Variants in FHIT observed in about 807,000 individuals in gnomAD.
FHIT encodes the protein fragile histidine triad diadenosine triphosphatase, also known as bis(5'-adenosyl)-triphosphatase.
In FHIT, 19 loss-of-function variants were observed where a neutral mutation model predicts 17.9. That is an observed-to-expected ratio of 1.06 (90% CI 0.74 to 1.56). The LOEUF (loss-of-function observed/expected upper bound fraction) is 1.56. FHIT is among the 40% of genes most tolerant of loss of function. The pLI is 0.00. For synonymous variants in FHIT, 81 were observed against 69.7 expected (o/e 1.16, Z -0.81); for missense variants, 248 against 189.2 (o/e 1.31, Z -1.82).
chr3:59,748,223 T>C lies in FHIT; in HGVS notation c.*1362A>G, dbSNP rs1230946783. On this transcript the variant is annotated 3_prime_UTR_variant, in exon 10 of 10. Coordinates refer to ENST00000492590, the MANE Select transcript of FHIT (RefSeq NM_002012.4). ...AGGCTGAAATATAAAGTTTAAGATA[T>C]ATATACTAAAATTCAAAAAGTGAAT... Among the ~76,000 whole-genome samples the C allele has an allele frequency of 2.6e-5, 4 of 152,188 alleles. No individual in the cohort carries two copies. The highest frequency in any genetic ancestry group is 5.9e-5 in the Non-Finnish European group (4 of 68,020).
chr3:60,363,703 T>C (rs1005066660), intron 5 of FHIT, among the ~76,000 whole-genome samples: 9 of 152,174 alleles, frequency 5.9e-5, no homozygotes, highest in African/African-American at 2.2e-4. Flanking sequence ...TGCTCCACTG[T>C]GCTCTGTACC....
At chr3:60,475,596 G>A (rs2033305011) in intron 5 of FHIT, among the ~76,000 whole-genome samples, 1 of 152,182 alleles carries the variant, frequency 6.6e-6, no homozygotes, top group South Asian at 2.1e-4. Context: ...TTCACAAGGT[G>A]CAGGGTATCA....
At chr3:60,050,773 G>T (rs1056090465) in intron 5 of FHIT, among the ~76,000 whole-genome samples, 5 of 152,108 alleles carry the variant, frequency 3.3e-5, no homozygotes, top group Non-Finnish European at 7.4e-5. Flanking sequence ...CTAGATCCAG[G>T]CATCTCCAAG....
rs547662645 is a variant in FHIT, at chr3:60,981,700, C to A, written c.-111+60347G>T. 8.5e-5 allele frequency among the ~76,000 whole-genome samples: 13 copies of A among 152,148 alleles called. No homozygotes were observed. The East Asian group carries it at 2.5e-3, about 30-fold the overall frequency. ...CATAGCACACTGTAGCTTCAAACTC[C>A]TGGGCTCTGGTGAGCCTCCCTTCTC... On this transcript the variant is annotated intron_variant, in intron 3 of 9. Transcript: ENST00000492590.
intron 5 of FHIT, among the ~76,000 whole-genome samples, chr3:60,270,342 C>A (rs1706802216): frequency 6.6e-6 from 1 of 152,178 alleles, no homozygotes; most frequent in African/African-American, 2.4e-5. Flanking sequence ...CACATACAAT[C>A]CCTATTTTGG....
intron 3 of FHIT, among the ~76,000 whole-genome samples, chr3:60,835,457 A>G (rs570620391): frequency 1.3e-5 from 2 of 152,348 alleles, no homozygotes; most frequent in South Asian, 2.1e-4. Flanking sequence ...TTGGATTCAC[A>G]TAAGTATTTC....
intron 2 of FHIT, among the ~76,000 whole-genome samples, chr3:61,136,191 AG>A (rs1239311079): frequency 1.3e-5 from 2 of 152,076 alleles, no homozygotes; most frequent in African/African-American, 2.4e-5. Flanking sequence ...GAGGCTGGTT[AG>A]GCAATGCCAC....
intron 5 of FHIT, among the ~76,000 whole-genome samples, chr3:60,297,886 C>T (rs115791631): frequency 3.1e-3 from 466 of 152,208 alleles, no homozygotes; most frequent in African/African-American, 0.011. Context: ...CTTTGGATGT[C>T]AGTTGTGTAC....
At chr3:60,152,838 G>T (rs7616806) in intron 5 of FHIT, among the ~76,000 whole-genome samples, 78,240 of 151,950 alleles carry the variant, frequency 0.51, 21,298 homozygotes, top group Non-Finnish European at 0.6. Flanking sequence ...AAACCTGTAG[G>T]TTAAAACATG....
intron 5 of FHIT, among the ~76,000 whole-genome samples, chr3:60,370,682 T>C (rs141125234): frequency 4.7e-4 from 71 of 152,302 alleles, no homozygotes; most frequent in African/African-American, 1.6e-3. Flanking sequence ...AAGAGCTTCC[T>C]CCTTTAATTA....
Position 60,045,839 on chromosome 3 carries a change from C to T in FHIT, c.104-31687G>A, listed in dbSNP as rs1310612603. ...ATGGAGAATGGATAAGGAGGAACACCTGGAGGAGAGCACGCTTGGAAAGGC... is the reference window on the plus strand; with the variant it reads ...ATGGAGAATGGATAAGGAGGAACACTTGGAGGAGAGCACGCTTGGAAAGGC... On this transcript the variant is annotated intron_variant, in intron 5 of 9. Transcript: ENST00000492590. Among the ~76,000 whole-genome samples, 4 of 152,148 alleles carry T rather than the reference C, an allele frequency of 2.6e-5. No individual in the cohort carries two copies. In the East Asian group the frequency reaches 7.7e-4, roughly 29 times the overall value.
chr3:61,043,217 G>C (rs1460766701), intron 2 of FHIT, among the ~76,000 whole-genome samples: 1 of 152,144 alleles, frequency 6.6e-6, no homozygotes, highest in Non-Finnish European at 1.5e-5. Context: ...GGGAAGCTGT[G>C]ACAAATGGTA....
rs78325338 is a variant in FHIT, at chr3:60,589,802, G to A, written c.-17-52823C>T. ...TGATTGTGATTTAATTTGCCACTTC[G>A]ACTTCTTACTGGAGAAAGTGCTGAC... On this transcript the variant is annotated intron_variant, in intron 4 of 9. Transcript: ENST00000492590. Among the ~76,000 whole-genome samples the A allele has an allele frequency of 4.2e-3, 640 of 152,098 alleles. 3 individuals carry two copies. The highest frequency in any genetic ancestry group is 0.015 in the African/African-American group (618 of 41,520).
intron 7 of FHIT, among the ~76,000 whole-genome samples, chr3:59,983,356 T>A (rs1164231008): frequency 6.6e-6 from 1 of 152,140 alleles, no homozygotes; most frequent in African/African-American, 2.4e-5. Flanking sequence ...CAGTTTTACT[T>A]TCTATGGTTT....
At chr3:60,223,358 T>G (rs213411) in intron 5 of FHIT, among the ~76,000 whole-genome samples, 47,007 of 152,022 alleles carry the variant, frequency 0.31, 7,749 homozygotes, top group African/African-American at 0.39. Flanking sequence ...GTGTTCAAAT[T>G]CAGGTCCATC....
rs150862134 is a variant in FHIT, at chr3:60,069,039, G to C, written c.104-54887C>G. Among the ~76,000 whole-genome samples, 513 of 152,094 alleles carry C rather than the reference G, an allele frequency of 3.4e-3. 2 individuals are homozygous for C. The highest frequency in any genetic ancestry group is 0.012 in the African/African-American group (486 of 41,492). On this transcript the variant is annotated intron_variant, in intron 5 of 9. Coordinates refer to ENST00000492590, the MANE Select transcript of FHIT (RefSeq NM_002012.4). ...AGTAAACTTGTAATTGCTATCCTAA[G>C]GACAAAGCTCCAAAACATACTCTGA...
chr3:60,132,736 A>G (rs1699647315), intron 5 of FHIT, among the ~76,000 whole-genome samples: 2 of 152,258 alleles, frequency 1.3e-5, no homozygotes, highest in South Asian at 4.2e-4. Context: ...CTGCTGGCTT[A>G]TTGTCATGCT....
intron 8 of FHIT, among the ~76,000 whole-genome samples, chr3:59,797,276 T>C (rs1699815935): frequency 6.6e-6 from 1 of 151,706 alleles, no homozygotes; most frequent in Non-Finnish European, 1.5e-5. Context: ...AACCTCCGCC[T>C]CCTGGGTTCA....
chr3:60,063,546 T>C (rs967961302), intron 5 of FHIT, among the ~76,000 whole-genome samples: 1 of 151,522 alleles, frequency 6.6e-6, no homozygotes, highest in African/African-American at 2.4e-5. Flanking sequence ...CTAAAAAACA[T>C]GCCATTCAAT....
Sources: gnomAD v4.1 joint callset for allele counts (sites outside exome capture counted in the v4.1 genomes callset) on GRCh38, gnomAD v4.1.1 for gene constraint, MANE v1.5 for transcripts, NCBI Gene and HGNC (gene_info 2026-07-23, HGNC 2026-07-21) for gene names.